Variants in AGT observed in about 807,000 individuals in gnomAD.
AGT encodes angiotensinogen.
In AGT, 26 loss-of-function variants were observed where a neutral mutation model predicts 28.1. That is an observed-to-expected ratio of 0.92 (90% CI 0.68 to 1.28). AGT has a LOEUF of 1.28. Among genes scored for constraint, AGT ranks in the 50% most tolerant of loss-of-function variants. AGT has a pLI of 0.00. For missense variants in AGT, 596 were observed against 592.3 expected (o/e 1.01, Z -0.06); for synonymous variants, 259 against 259.6 (o/e 1.00, Z 0.02).
At position 230,731,129 on chromosome 1, in the gene AGT, C is replaced by T. The variant is rs936664939; in HGVS notation, c.-31+14386G>A. Among the ~76,000 whole-genome samples, 9 of 152,288 alleles carry T rather than the reference C, an allele frequency of 5.9e-5. No individual in the cohort carries two copies. In the East Asian group the frequency reaches 1.7e-3, roughly 29 times the overall value. ...TTTTGTTCCTTTAAAAACCTTGTGA[C>T]GAAAGCCAAATGGAGTTCATATCCA... On this transcript the variant is annotated intron_variant, in intron 1 of 4. Coordinates refer to the AGT transcript ENST00000681269.
chr1:230,713,654 G>A (rs563389842), intron 1 of AGT, among the ~76,000 whole-genome samples: 6 of 152,166 alleles, frequency 3.9e-5, no homozygotes, highest in Non-Finnish European at 7.4e-5. Flanking sequence ...AGTCTGTCTC[G>A]AGGGAGGGGT....
intron 1 of AGT, among the ~76,000 whole-genome samples, chr1:230,721,730 T>G (rs1429486277): frequency 6.6e-6 from 1 of 152,230 alleles, no homozygotes; most frequent in Non-Finnish European, 1.5e-5. Flanking sequence ...TGCTATGCTT[T>G]AGCAAAGAAA....
At chr1:230,710,972 T>C (rs2102791690) in intron 1 of AGT, 119 bp from the exon 2 acceptor site, 1 of 1,290,798 alleles carries the variant, frequency 7.7e-7, no homozygotes, top group Non-Finnish European at 1.1e-6. Context: ...AATAAATCCA[T>C]TCATGTCTAC....
rs182860636 is a variant in AGT at position 230,731,798 on chromosome 1, C to T, written c.-31+13717G>A. On this transcript the variant is annotated intron_variant, in intron 1 of 4. Transcript: ENST00000681269. ...AGGAGAATCTCTTGAGCCTGGGAGG[C>T]GGAGGTTGCAACGAACCAAGATCAT... 1.2e-3 allele frequency among the ~76,000 whole-genome samples: 178 copies of T among 152,114 alleles called. 2 individuals carry two copies. The highest frequency in any genetic ancestry group is 4.2e-3 in the African/African-American group (174 of 41,488).
chr1:230,703,701 TG>T, intron 4 of AGT, among the ~76,000 whole-genome samples: 1 of 152,310 alleles, frequency 6.6e-6, no homozygotes, highest in Non-Finnish European at 1.5e-5. Flanking sequence ...CTCTTCCCGC[TG>T]GCCCCCGTAA....
chr1:230,703,050 G>T lies in AGT; in HGVS notation c.*91C>A. On this transcript the variant is annotated 3_prime_UTR_variant, in exon 5 of 5. Transcript: ENST00000366667. ...GGGAGACTGGGGGTGACACATCGCT[G>T]ATTTGTCCGGGGTTGTTATCTGCTG... 1 of 1,436,230 alleles carries T rather than the reference G, an allele frequency of 7.0e-7. No individual in the cohort carries two copies. Among genetic ancestry groups the T allele is most frequent in the South Asian group, 1.2e-5 (1 of 82,800 alleles). 89.0% of individuals were successfully genotyped at this position (1,436,230 alleles called of 1,614,324 possible). A position where few individuals can be genotyped will look rare whatever the true frequency, so the allele number is the denominator to read the frequency against.
At chr1:230,727,523 C>A (rs1663965863) in intron 1 of AGT, among the ~76,000 whole-genome samples, 1 of 152,146 alleles carries the variant, frequency 6.6e-6, no homozygotes, top group Non-Finnish European at 1.5e-5. Context: ...CAGATTTATG[C>A]CATTAAGTGT....
chr1:230,707,727 A>G (rs1466849551), intron 2 of AGT, among the ~76,000 whole-genome samples: 1 of 152,226 alleles, frequency 6.6e-6, no homozygotes, highest in Non-Finnish European at 1.5e-5. Flanking sequence ...CCAACAAACT[A>G]AACTAAAAAA....
chr1:230,737,557 C>T (rs912227167), intron 1 of AGT, among the ~76,000 whole-genome samples: 1 of 152,126 alleles, frequency 6.6e-6, no homozygotes, highest in African/African-American at 2.4e-5. Context: ...GGTGATCCAC[C>T]TGCCTCAGCC....
intron 1 of AGT, among the ~76,000 whole-genome samples, chr1:230,735,057 T>C (rs1664133650): frequency 6.6e-6 from 1 of 152,082 alleles, no homozygotes; most frequent in Non-Finnish European, 1.5e-5. Context: ...TCTGTGTCTA[T>C]CCCTGGAGGA....
chr1:230,716,025 T>C (rs1406929554), upstream of AGT, among the ~76,000 whole-genome samples: 2 of 152,234 alleles, frequency 1.3e-5, no homozygotes, highest in Non-Finnish European at 2.9e-5. Context: ...CTCTTAATAA[T>C]GACACGTTAC....
At chr1:230,739,533 G>A (rs1664210400) in intron 1 of AGT, among the ~76,000 whole-genome samples, 1 of 152,088 alleles carries the variant, frequency 6.6e-6, no homozygotes, top group Admixed American at 6.6e-5. Flanking sequence ...GGTTCGGCAA[G>A]CACAGAGAAA....
In AGT at chr1:230,708,279, TG is replaced by T. The variant is rs1326649524; in HGVS notation, c.829+1715del. On this transcript the variant is annotated intron_variant, in intron 2 of 4. Transcript: ENST00000366667. The stretch of plus-strand genomic sequence containing the variant: ...GGCTCTGCGGTCTGGGTCAGGTGGA[TG>T]TGCTCTCTTTCGAAGGGAGACCCAT... Among the ~76,000 whole-genome samples, 3 of 152,152 alleles carry T rather than the reference TG, an allele frequency of 2.0e-5. No individual in the cohort carries two copies. The East Asian group carries it at 5.8e-4, about 29-fold the overall frequency.
At chr1:230,707,525 G>T (rs1442489648) in intron 2 of AGT, among the ~76,000 whole-genome samples, 1 of 152,184 alleles carries the variant, frequency 6.6e-6, no homozygotes, top group Non-Finnish European at 1.5e-5. Context: ...CTGGGTCCGG[G>T]TCTCGTAAGA....
In AGT at chr1:230,703,348, C is replaced by G. The variant is rs986079735; in HGVS notation, c.1243-19G>C. On this transcript the variant is annotated intron_variant, in intron 4 of 4. Coordinates refer to ENST00000366667, the MANE Select transcript of AGT (RefSeq NM_001384479.1). ...TCAGCACCTGCAAAGCAGCAGACAT[C>G]AGGATCATTCTGAGGGCGCACTGGG... 1.2e-6 allele frequency: 2 copies of G among 1,614,122 alleles called. No homozygotes were observed. The highest frequency in any genetic ancestry group is 2.7e-5 in the African/African-American group (2 of 75,070).
rs1261813615 is a variant in AGT at position 230,710,862 on chromosome 1, T to A, written c.-30-9A>T. 6.2e-7 allele frequency: 1 copy of A among 1,610,860 alleles called. No homozygotes were observed. The highest frequency in any genetic ancestry group is 1.1e-5 in the South Asian group (1 of 91,074). ...GCTCGCTTCCGCATACCCTGAAATA[T>A]CATTTTGCAAAGGGTGAAAGGTGGT... On this transcript the variant is annotated splice_polypyrimidine_tract_variant and intron_variant, in intron 1 of 4. Coordinates refer to ENST00000366667, the MANE Select transcript of AGT (RefSeq NM_001384479.1).
Position 230,703,094 on chromosome 1 carries a change from G to C in AGT, c.*47C>G. Reference sequence around the variant, plus strand: ...TCTGCTGCTGGCCTTTGCCTCAAAGGCCAGGGGCAGAGGCCTTGCCAGGCA... The same window carrying C: ...TCTGCTGCTGGCCTTTGCCTCAAAGCCCAGGGGCAGAGGCCTTGCCAGGCA... On this transcript the variant is annotated 3_prime_UTR_variant, in exon 5 of 5. Coordinates refer to ENST00000366667, the MANE Select transcript of AGT (RefSeq NM_001384479.1). 3.7e-6 allele frequency: 6 copies of C among 1,602,426 alleles called. No individual in the cohort carries two copies. Among genetic ancestry groups the C allele is most frequent in the Non-Finnish European group, 5.1e-6 (6 of 1,171,660 alleles).
chr1:230,715,803 G>A (rs1180424438), upstream of AGT, among the ~76,000 whole-genome samples: 3 of 152,102 alleles, frequency 2.0e-5, no homozygotes, highest in Non-Finnish European at 2.9e-5. Context: ...ACTATTCCTG[G>A]TGCTCAGCAT....
chr1:230,741,550 C>G lies in AGT; in HGVS notation c.-31+3965G>C, dbSNP rs77085900. On this transcript the variant is annotated intron_variant, in intron 1 of 4. Coordinates refer to the AGT transcript ENST00000681269. ...GTGTGATGCCTGAGCACGGCTCATT[C>G]CCACTGAAGAAAAGATTTGTTATGG... Among the ~76,000 whole-genome samples the G allele has an allele frequency of 3.1e-3, 476 of 152,330 alleles. 3 individuals are homozygous for G. Among genetic ancestry groups the G allele is most frequent in the African/African-American group, 0.01 (417 of 41,568 alleles).
Sources: allele counts gnomAD v4.1 joint callset (sites outside exome capture counted in the v4.1 genomes callset), GRCh38; gene constraint gnomAD v4.1.1; transcripts MANE v1.5; gene names NCBI Gene and HGNC (gene_info 2026-07-23, HGNC 2026-07-21).